The following HS3ST5 variants were observed in gnomAD, a reference collection of about 807,000 sequenced individuals.
HS3ST5 encodes the protein heparan sulfate-glucosamine 3-sulfotransferase 5.
Under a neutral mutation model 25.4 loss-of-function variants are expected in HS3ST5, and 10 were observed. That is an observed-to-expected ratio of 0.39 (90% CI 0.24 to 0.67). The LOEUF (loss-of-function observed/expected upper bound fraction) is 0.67. HS3ST5 is among the 30% of genes least tolerant of loss of function. The pLI is 0.44. For missense variants in HS3ST5, 324 were observed against 420.7 expected, an observed-to-expected ratio of 0.77 and a Z score of 2.01; for synonymous variants, 170 against 162.4, an observed-to-expected ratio of 1.05 and a Z score of -0.36.
intron 1 of HS3ST5, among the ~76,000 whole-genome samples, chr6:114,275,349 T>C (rs961505906): frequency 6.6e-6 from 1 of 152,074 alleles, no homozygotes; most frequent in Admixed American, 6.6e-5. Context: ...GCTAACATTG[T>C]CCCTTTGTGC....
Position 114,202,121 on chromosome 6 carries a change from TA to T in HS3ST5, c.-145+26463del, listed in dbSNP as rs1005418748. On this transcript the variant is annotated intron_variant, in intron 2 of 4. Transcript: ENST00000312719. ...AAACTGCAACCTCTACAAAAAAGTT[TA>T]AAAAAAAATTTCAAAAGGCCGGGGA... 3.3e-5 allele frequency among the ~76,000 whole-genome samples: 5 copies of T among 151,518 alleles called. No individual in the cohort carries two copies. In the South Asian group the frequency reaches 6.3e-4, roughly 19 times the overall value.
intron 1 of HS3ST5, among the ~76,000 whole-genome samples, chr6:114,270,425 T>C (rs746079534): frequency 6.6e-6 from 1 of 152,178 alleles, no homozygotes; most frequent in Non-Finnish European, 1.5e-5. Context: ...CTAAAATAAA[T>C]TGCATTTTTA....
intron 3 of HS3ST5, among the ~76,000 whole-genome samples, chr6:114,115,123 A>T (rs1776455638): frequency 6.6e-6 from 1 of 152,108 alleles, no homozygotes; most frequent in African/African-American, 2.4e-5. Context: ...TTTATTTTTT[A>T]TGCCATCCCA....
At chr6:114,330,479 TG>T (rs1776348638) in intron 1 of HS3ST5, among the ~76,000 whole-genome samples, 1 of 152,088 alleles carries the variant, frequency 6.6e-6, no homozygotes, top group Non-Finnish European at 1.5e-5. Flanking sequence ...CTAGATGAAG[TG>T]AGTGGGGGAT....
At chr6:114,081,512 G>C (rs1755050965) in intron 3 of HS3ST5, among the ~76,000 whole-genome samples, 2 of 152,214 alleles carry the variant, frequency 1.3e-5, no homozygotes. Flanking sequence ...ACTTACAGTT[G>C]TTAATAGTCT....
In HS3ST5 at chr6:114,285,999, C is replaced by T. The variant is rs919552084; in HGVS notation, c.-339+56196G>A. On this transcript the variant is annotated intron_variant, in intron 1 of 4. Transcript: ENST00000312719. Reference sequence around the variant, plus strand: ...TTATTAAAAAAAATCGAAATATACACGTATGGAAAGATAATGAAAAGATAT... The same window carrying T: ...TTATTAAAAAAAATCGAAATATACATGTATGGAAAGATAATGAAAAGATAT... 3.3e-5 allele frequency among the ~76,000 whole-genome samples: 5 copies of T among 151,672 alleles called. 1 individual carries two copies. The highest frequency in any genetic ancestry group is 4.2e-4 in the South Asian group (2 of 4,800).
At chr6:114,222,508 A>G (rs1582732013) in intron 2 of HS3ST5, among the ~76,000 whole-genome samples, 1 of 151,832 alleles carries the variant, frequency 6.6e-6, no homozygotes, top group African/African-American at 2.4e-5. Context: ...GCATCAGAAC[A>G]CTCACATCAA....
At chr6:114,163,928 T>C (rs2114989219) in intron 3 of HS3ST5, among the ~76,000 whole-genome samples, 1 of 152,248 alleles carries the variant, frequency 6.6e-6, no homozygotes, top group African/African-American at 2.4e-5. Context: ...GAACCTATCT[T>C]AGCTGCAGTT....
intron 1 of HS3ST5, among the ~76,000 whole-genome samples, chr6:114,250,353 G>A (rs759476606): frequency 4.6e-5 from 7 of 152,150 alleles, no homozygotes; most frequent in Non-Finnish European, 8.8e-5. Flanking sequence ...AGGTCGAGAC[G>A]GGCAGATCAC....
intron 1 of HS3ST5, among the ~76,000 whole-genome samples, chr6:114,282,403 T>C (rs959799799): frequency 8.6e-5 from 13 of 151,972 alleles, no homozygotes; most frequent in East Asian, 3.9e-4. Flanking sequence ...GACTTTATAA[T>C]TGGAGAACGC....
intron 1 of HS3ST5, among the ~76,000 whole-genome samples, chr6:114,306,255 A>ATATG (rs746045586): frequency 1.1e-4 from 14 of 123,762 alleles, no homozygotes; most frequent in South Asian, 1.0e-3. Context: ...ATATATATAT[A>ATATG]TACACACACA....
At chr6:114,090,271 A>G (rs571817982) in intron 3 of HS3ST5, among the ~76,000 whole-genome samples, 4 of 152,332 alleles carry the variant, frequency 2.6e-5, no homozygotes, top group Non-Finnish European at 4.4e-5. Flanking sequence ...GTTGTTATTT[A>G]GATGTGACTG....
chr6:114,148,664 C>T (rs1778292105), intron 3 of HS3ST5, among the ~76,000 whole-genome samples: 1 of 151,998 alleles, frequency 6.6e-6, no homozygotes, highest in African/African-American at 2.4e-5. Flanking sequence ...GTAGGCAATA[C>T]CATTCAGGAC....
rs74646125 is a variant in HS3ST5, at chr6:114,067,447, C to T, written c.-32-4570G>A. ...TAGTGCAAGATTTAGGAAACTATGACGAAAAAACTGTCAGCATCCAATTGC... is the reference window on the plus strand; with the variant it reads ...TAGTGCAAGATTTAGGAAACTATGATGAAAAAACTGTCAGCATCCAATTGC... On this transcript the variant is annotated intron_variant, in intron 3 of 4. Transcript: ENST00000312719. 6.6e-5 allele frequency among the ~76,000 whole-genome samples: 10 copies of T among 152,166 alleles called. 1 individual carries two copies. The East Asian group carries it at 1.2e-3, about 18-fold the overall frequency.
intron 1 of HS3ST5, among the ~76,000 whole-genome samples, chr6:114,231,760 TA>T (rs11333317): frequency 0.49 from 69,796 of 141,190 alleles, 17,265 homozygotes; most frequent in South Asian, 0.71. Context: ...CTATTCTATT[TA>T]AAAAAAAAAA....
chr6:114,322,360 G>A (rs1776003019), intron 1 of HS3ST5, among the ~76,000 whole-genome samples: 1 of 152,038 alleles, frequency 6.6e-6, no homozygotes, highest in African/African-American at 2.4e-5. Context: ...AATATTGTCT[G>A]CACAACCTTT....
At chr6:114,261,714 T>C (rs946418765) in intron 1 of HS3ST5, among the ~76,000 whole-genome samples, 2 of 152,262 alleles carry the variant, frequency 1.3e-5, no homozygotes, top group African/African-American at 4.8e-5. Context: ...TATTGATTAA[T>C]ATTCTTACAT....
intron 1 of HS3ST5, among the ~76,000 whole-genome samples, chr6:114,318,720 C>T (rs1459691138): frequency 1.3e-5 from 2 of 152,126 alleles, no homozygotes; most frequent in Admixed American, 6.6e-5. Flanking sequence ...CCCACTTGAC[C>T]TCTCACTACC....
chr6:114,259,846 A>C (rs543197958), intron 1 of HS3ST5, among the ~76,000 whole-genome samples: 1 of 152,248 alleles, frequency 6.6e-6, no homozygotes, highest in Non-Finnish European at 1.5e-5. Context: ...TGAAAAAGGA[A>C]GCTAATATTA....
Sources: allele counts gnomAD v4.1 joint callset (sites outside exome capture counted in the v4.1 genomes callset), GRCh38; gene constraint gnomAD v4.1.1; transcripts MANE v1.5; gene names NCBI Gene and HGNC (gene_info 2026-07-23, HGNC 2026-07-21).